WFDC10B: variants seen among roughly 807,000 people sequenced by gnomAD.
WFDC10B encodes the protein WAP four-disulfide core domain 10B, also known as protein WFDC10B.
A neutral mutation model predicts 2.7 loss-of-function variants in WFDC10B; 1 was observed. That is an observed-to-expected ratio of 0.38 (90% confidence interval 0.13 to 1.79). WFDC10B has a LOEUF of 1.79. Ranked by LOEUF, WFDC10B falls within the 40% of genes most tolerant of loss-of-function variation. The pLI, the probability that WFDC10B is intolerant of heterozygous loss-of-function variation, is 0.33. For missense variants in WFDC10B, 71 were observed against 87.8 expected (o/e 0.81, Z 0.76); for synonymous variants, 26 against 32.2 (o/e 0.81, Z 0.65).
In WFDC10B at chr20:45,704,515, G is replaced by A. The variant is rs1199555377; in HGVS notation, c.-83C>T. ...TACTCACCTGTGTACAATGCAGGAA[G>A]ATTGCGAGAAAGGATTTCAGTGCTG... is the stretch of plus-strand genomic sequence containing the variant. On this transcript the variant is annotated 5_prime_UTR_variant, in exon 2 of 4. Transcript: ENST00000330523. 1.2e-6 allele frequency: 2 copies of A among 1,614,088 alleles called. No individual in the cohort carries two copies. Among genetic ancestry groups the A allele is most frequent in the Non-Finnish European group, 1.7e-6 (2 of 1,180,048 alleles).
chr20:45,694,621 T>G (rs894073481), intron 2 of WFDC10B, among the ~76,000 whole-genome samples: 1 of 152,182 alleles, frequency 6.6e-6, no homozygotes, highest in African/African-American at 2.4e-5. Context: ...AGAAATATAT[T>G]TGGTCTTTGT....
In WFDC10B at chr20:45,691,977, G is replaced by A. The variant is rs569173552; in HGVS notation, c.-64-5921C>T. Among the ~76,000 whole-genome samples, 4 of 152,270 alleles carry A rather than the reference G, an allele frequency of 2.6e-5. No homozygotes were observed. In the South Asian group the frequency reaches 6.2e-4, roughly 24 times the overall value. Reference sequence around the variant, plus strand: ...CATGATTTTGCAGTGGCTGGTAACGGTTGTTCCTTTCCATGTTTAGTGCTT... The same window carrying A: ...CATGATTTTGCAGTGGCTGGTAACGATTGTTCCTTTCCATGTTTAGTGCTT... On this transcript the variant is annotated intron_variant, in intron 2 of 3. Coordinates refer to ENST00000330523, the MANE Select transcript of WFDC10B (RefSeq NM_172006.2).
chr20:45,693,214 G>A (rs1193959087), intron 2 of WFDC10B, among the ~76,000 whole-genome samples: 3 of 152,342 alleles, frequency 2.0e-5, no homozygotes, highest in Non-Finnish European at 2.9e-5. Context: ...GTACCCAGCT[G>A]TGTGAGGTGT....
chr20:45,690,586 G>T, intron 2 of WFDC10B, among the ~76,000 whole-genome samples: 1 of 151,914 alleles, frequency 6.6e-6, no homozygotes, highest in East Asian at 1.9e-4. Context: ...TACGTGTCGA[G>T]GAATTTATCC....
intron 2 of WFDC10B, among the ~76,000 whole-genome samples, chr20:45,700,159 G>A (rs566414599): frequency 6.6e-6 from 1 of 152,134 alleles, no homozygotes; most frequent in African/African-American, 2.4e-5. Flanking sequence ...TATGTCAAAT[G>A]CAGCTGTAAT....
At chr20:45,701,196 T>C (rs1196214725) in intron 2 of WFDC10B, among the ~76,000 whole-genome samples, 1 of 152,160 alleles carries the variant, frequency 6.6e-6, no homozygotes, top group Non-Finnish European at 1.5e-5. Flanking sequence ...TTGGATTCAT[T>C]CAGGGTTGCA....
At chr20:45,688,664 C>T (rs1426717404) in intron 2 of WFDC10B, among the ~76,000 whole-genome samples, 1 of 148,646 alleles carries the variant, frequency 6.7e-6, no homozygotes, top group Non-Finnish European at 1.5e-5. Context: ...CTGTTCATGT[C>T]CTTCGCCCAC....
At chr20:45,691,621 T>C (rs1983815459) in intron 2 of WFDC10B, among the ~76,000 whole-genome samples, 1 of 151,768 alleles carries the variant, frequency 6.6e-6, no homozygotes, top group South Asian at 2.1e-4. Flanking sequence ...TGATCTTTGT[T>C]GGTTTAAAGT....
intron 2 of WFDC10B, among the ~76,000 whole-genome samples, chr20:45,693,062 G>A (rs1268789729): frequency 6.6e-6 from 1 of 152,174 alleles, no homozygotes; most frequent in East Asian, 1.9e-4. Context: ...ACCCTTAGCT[G>A]CAGGTCTGTT....
intron 2 of WFDC10B, among the ~76,000 whole-genome samples, chr20:45,692,992 G>A (rs6017650): frequency 9.2e-5 from 14 of 152,012 alleles, no homozygotes; most frequent in African/African-American, 2.9e-4. Context: ...TGGTAATGTA[G>A]AGATGGGTTT....
intron 2 of WFDC10B, among the ~76,000 whole-genome samples, chr20:45,688,008 A>C: frequency 7.2e-6 from 1 of 138,362 alleles, no homozygotes; most frequent in Non-Finnish European, 1.6e-5. Context: ...ATATCTCCCA[A>C]TGCTATCCCT....
Position 45,704,527 on chromosome 20 carries a change from G to T in WFDC10B, c.-95C>A. The T allele has an allele frequency of 6.2e-7, 1 of 1,614,142 alleles. No individual in the cohort carries two copies. The highest frequency in any genetic ancestry group is 8.5e-7 in the Non-Finnish European group (1 of 1,180,028). ...TACAATGCAGGAAGATTGCGAGAAAGGATTTCAGTGCTGTTCCTCCTTCTG... is the reference window on the plus strand; with the variant it reads ...TACAATGCAGGAAGATTGCGAGAAATGATTTCAGTGCTGTTCCTCCTTCTG... On this transcript the variant is annotated 5_prime_UTR_variant, in exon 2 of 4. Coordinates refer to ENST00000330523, the MANE Select transcript of WFDC10B (RefSeq NM_172006.2).
At chr20:45,690,434 C>T (rs1186984932) in intron 2 of WFDC10B, among the ~76,000 whole-genome samples, 1 of 151,788 alleles carries the variant, frequency 6.6e-6, no homozygotes, top group Non-Finnish European at 1.5e-5. Flanking sequence ...CCTCCTTGTA[C>T]CTCTGGTAGA....
In WFDC10B at chr20:45,689,806, C is replaced by G. The variant is rs199970039; in HGVS notation, c.-64-3750G>C. ...CTGCAAACAGGGACAATTTGACTTC[C>G]TCTTTTCCTAATTGAATACACTTTA... On this transcript the variant is annotated intron_variant, in intron 2 of 3. Coordinates refer to ENST00000330523, the MANE Select transcript of WFDC10B (RefSeq NM_172006.2). 1.1e-3 allele frequency among the ~76,000 whole-genome samples: 164 copies of G among 147,232 alleles called. No homozygotes were observed. In the South Asian group the frequency reaches 0.013, roughly 12 times the overall value.
At chr20:45,693,414 G>C (rs962960791) in intron 2 of WFDC10B, among the ~76,000 whole-genome samples, 1 of 152,220 alleles carries the variant, frequency 6.6e-6, no homozygotes. Flanking sequence ...TTGTTTGTCT[G>C]TGCCCTGCCC....
At position 45,697,023 on chromosome 20, in the gene WFDC10B, T is replaced by C. The variant is rs577981185; in HGVS notation, c.-65+7474A>G. On this transcript the variant is annotated intron_variant, in intron 2 of 3. Coordinates refer to ENST00000330523, the MANE Select transcript of WFDC10B (RefSeq NM_172006.2). ...TATATACAATGATCATTATACTCAA[T>C]TGCAAAAGATCAAAATCTTTCTCCC... Among the ~76,000 whole-genome samples, 6 of 152,274 alleles carry C rather than the reference T, an allele frequency of 3.9e-5. No homozygotes were observed. The South Asian group carries it at 1.2e-3, about 32-fold the overall frequency.
rs1421992760 is a variant in WFDC10B, at chr20:45,689,265, C to A, written c.-64-3209G>T. 2.6e-5 allele frequency among the ~76,000 whole-genome samples: 4 copies of A among 151,804 alleles called. No homozygotes were observed. In the East Asian group the frequency reaches 5.8e-4, roughly 22 times the overall value. On this transcript the variant is annotated intron_variant, in intron 2 of 3. Coordinates refer to ENST00000330523, the MANE Select transcript of WFDC10B (RefSeq NM_172006.2). ...GTAGCCTTGGAGTATAGTCTGAAGT[C>A]AGGTAGTGTGATGCCTCCAGCTTTG...
In WFDC10B at chr20:45,704,917, C is replaced by T. The variant is rs73908189; in HGVS notation, c.-130+1G>A. 5 of 1,613,852 alleles carry T rather than the reference C, an allele frequency of 3.1e-6. No individual in the cohort carries two copies. Among genetic ancestry groups the T allele is most frequent in the Non-Finnish European group, 4.2e-6 (5 of 1,179,912 alleles). ...CCACCCTTATCCCAGGGACACTGTA[C>T]CTGCAGGTGTAACCAAAATCCCAAA... On this transcript the variant is annotated splice_donor_variant, in intron 1 of 3. Coordinates refer to ENST00000330523, the MANE Select transcript of WFDC10B (RefSeq NM_172006.2). LOFTEE classifies it low-confidence loss of function (5UTR_SPLICE).
chr20:45,695,889 G>A (rs957612362), intron 2 of WFDC10B, among the ~76,000 whole-genome samples: 16 of 151,890 alleles, frequency 1.1e-4, no homozygotes, highest in African/African-American at 3.1e-4. Context: ...AAAAACTTTC[G>A]GATGAATGAA....
Sources: allele counts gnomAD v4.1 joint callset (sites outside exome capture counted in the v4.1 genomes callset), GRCh38; gene constraint gnomAD v4.1.1; transcripts MANE v1.5; gene names NCBI Gene and HGNC (gene_info 2026-07-23, HGNC 2026-07-21).